NCKAP5: variants seen among roughly 807,000 people sequenced by gnomAD.
NCKAP5 encodes nck-associated protein 5.
In NCKAP5, 92 loss-of-function variants were observed where a neutral mutation model predicts 167.0. That is an observed-to-expected ratio of 0.55 (90% CI 0.47 to 0.66). NCKAP5 has a LOEUF of 0.66. Among genes scored for constraint, NCKAP5 ranks in the 30% least tolerant of loss-of-function variants. NCKAP5 has a pLI of 0.00. For synonymous variants in NCKAP5, 891 were observed against 877.4 expected, an observed-to-expected ratio of 1.02 and a Z score of -0.27; for missense variants, 2,378 against 2,315.0, an observed-to-expected ratio of 1.03 and a Z score of -0.56.
At chr2:133,146,444 T>C (rs758335562) in intron 5 of NCKAP5, among the ~76,000 whole-genome samples, 1 of 152,076 alleles carries the variant, frequency 6.6e-6, no homozygotes, top group Non-Finnish European at 1.5e-5. Context: ...CTTAAGAAAA[T>C]GCTGTTGTAC....
intron 5 of NCKAP5, among the ~76,000 whole-genome samples, chr2:133,137,405 T>TG (rs1365371907): frequency 9.5e-4 from 118 of 124,742 alleles, no homozygotes; most frequent in African/African-American, 3.2e-3. Context: ...AGAGCTTGGT[T>TG]TTGTGTGTGT....
chr2:133,249,432 G>A (rs557103703), intron 4 of NCKAP5, among the ~76,000 whole-genome samples: 7 of 152,302 alleles, frequency 4.6e-5, no homozygotes, highest in African/African-American at 1.7e-4. Context: ...ATGGAACCCT[G>A]CCAACAGCTT....
intron 5 of NCKAP5, among the ~76,000 whole-genome samples, chr2:133,143,968 C>T (rs1018366241): frequency 1.2e-4 from 19 of 152,072 alleles, no homozygotes; most frequent in African/African-American, 1.7e-4. Context: ...AAACTTTCAT[C>T]GCAACCAGCA....
At chr2:133,365,820 T>C (rs370991688) in intron 3 of NCKAP5, among the ~76,000 whole-genome samples, 1 of 152,228 alleles carries the variant, frequency 6.6e-6, no homozygotes, top group East Asian at 1.9e-4. Context: ...TGTTTAGAGA[T>C]ATACTGTCTG....
At chr2:133,033,409 A>T (rs1371036248) in intron 6 of NCKAP5, among the ~76,000 whole-genome samples, 1 of 152,210 alleles carries the variant, frequency 6.6e-6, no homozygotes, top group East Asian at 1.9e-4. Context: ...AAGCCCAGAC[A>T]GTAAAGACTA....
At chr2:132,813,962 T>G (rs1417317551) in intron 11 of NCKAP5, among the ~76,000 whole-genome samples, 1 of 152,066 alleles carries the variant, frequency 6.6e-6, no homozygotes, top group Non-Finnish European at 1.5e-5. Flanking sequence ...GAGATCAGAG[T>G]GTTGATGAAA....
At chr2:132,851,437 C>G (rs1689071035) in intron 11 of NCKAP5, among the ~76,000 whole-genome samples, 2 of 152,140 alleles carry the variant, frequency 1.3e-5, no homozygotes, top group South Asian at 4.1e-4. Flanking sequence ...TCCCCCTGAT[C>G]ACACTGGGGG....
chr2:133,265,065 T>C (rs1040279050), intron 4 of NCKAP5: 1 of 152,152 alleles, frequency 6.6e-6, no homozygotes, highest in African/African-American at 2.4e-5. Context: ...GAGGAAGGGA[T>C]ACTGATATGA....
chr2:132,713,627 G>A (rs1689072451), intron 19 of NCKAP5, among the ~76,000 whole-genome samples: 1 of 151,654 alleles, frequency 6.6e-6, no homozygotes, highest in Non-Finnish European at 1.5e-5. Flanking sequence ...AACTCAGGAA[G>A]ACACCAGGAG....
At chr2:133,062,694 T>C (rs2080048105) in intron 6 of NCKAP5, among the ~76,000 whole-genome samples, 1 of 152,226 alleles carries the variant, frequency 6.6e-6, no homozygotes, top group Non-Finnish European at 1.5e-5. Flanking sequence ...TTTAAAAATA[T>C]ATTTAAAAGA....
chr2:133,188,069 C>T lies in NCKAP5; in HGVS notation c.207+25647G>A, dbSNP rs139464112. On this transcript the variant is annotated intron_variant, in intron 5 of 19. Transcript: ENST00000409261. ...AGCTGATGCAGTTTCTTCCTGGCAT[C>T]GATGGTCTTTACAATTTGGCATGTT... Among the ~76,000 whole-genome samples, 867 of 152,098 alleles carry T rather than the reference C, an allele frequency of 5.7e-3. 11 individuals carry two copies. Among genetic ancestry groups the T allele is most frequent in the Admixed American group, 0.031 (471 of 15,262 alleles).
Position 133,531,053 on chromosome 2 carries a change from G to C in NCKAP5, c.-61-13466C>G, listed in dbSNP as rs72992312. ...TTTAAGTAACCAACTTATTGGGGTG[G>C]TATTTTGGGCAGCAACAGATAATTA... On this transcript the variant is annotated intron_variant, in intron 2 of 19. Coordinates refer to ENST00000409261, the MANE Select transcript of NCKAP5 (RefSeq NM_207363.3). Among the ~76,000 whole-genome samples the C allele has an allele frequency of 1.9e-3, 292 of 152,116 alleles. 2 individuals are homozygous for C. Among genetic ancestry groups the C allele is most frequent in the African/African-American group, 6.7e-3 (279 of 41,492 alleles).
intron 4 of NCKAP5, among the ~76,000 whole-genome samples, chr2:133,296,660 C>T (rs1423766999): frequency 6.6e-6 from 1 of 152,164 alleles, no homozygotes; most frequent in African/African-American, 2.4e-5. Flanking sequence ...TTCATAATCT[C>T]AGTGCTGAGT....
intron 3 of NCKAP5, among the ~76,000 whole-genome samples, chr2:133,382,188 ACAT>A (rs1400898559): frequency 5.3e-5 from 8 of 152,268 alleles, no homozygotes; most frequent in Admixed American, 3.9e-4. Context: ...AATTCAACGA[ACAT>A]CATCATCAAT....
At chr2:132,994,349 GA>G in intron 6 of NCKAP5, 110 bp from the exon 7 acceptor site, 1 of 741,134 alleles carries the variant, frequency 1.3e-6, no homozygotes, top group East Asian at 2.8e-5. Flanking sequence ...CTTCAACCTG[GA>G]AATCTCTTTT....
At chr2:132,751,898 C>T (rs1415167520) in intron 16 of NCKAP5, among the ~76,000 whole-genome samples, 1 of 152,190 alleles carries the variant, frequency 6.6e-6, no homozygotes, top group African/African-American at 2.4e-5. Flanking sequence ...CAGCAGCCTG[C>T]CCACTGTGGA....
chr2:133,031,484 C>T (rs2078877620), intron 6 of NCKAP5, among the ~76,000 whole-genome samples: 1 of 152,192 alleles, frequency 6.6e-6, no homozygotes, highest in African/African-American at 2.4e-5. Context: ...CTGAGGGCCA[C>T]ATTGCTCCAT....
intron 3 of NCKAP5, among the ~76,000 whole-genome samples, chr2:133,308,236 C>T (rs914567310): frequency 4.0e-5 from 6 of 151,308 alleles, no homozygotes; most frequent in Admixed American, 6.6e-5. Flanking sequence ...CTACAGGCGC[C>T]CGCCACCACG....
chr2:133,546,472 C>T (rs1338389444), intron 2 of NCKAP5, among the ~76,000 whole-genome samples: 1 of 152,122 alleles, frequency 6.6e-6, no homozygotes, highest in Non-Finnish European at 1.5e-5. Context: ...ACTCCACTTA[C>T]CAGATATACA....
Sources: allele counts gnomAD v4.1 joint callset (sites outside exome capture counted in the v4.1 genomes callset), GRCh38; gene constraint gnomAD v4.1.1; transcripts MANE v1.5; gene names NCBI Gene and HGNC (gene_info 2026-07-23, HGNC 2026-07-21).